RFC3: variants seen among roughly 807,000 people sequenced by gnomAD.
The protein encoded by RFC3 is A1 38 kDa subunit.
RFC3 carries 41 observed loss-of-function variants against 45.1 expected under a neutral mutation model. The observed-to-expected ratio is 0.91, with a 90% CI of 0.71 to 1.18. The LOEUF (loss-of-function observed/expected upper bound fraction) is 1.18. Among genes scored for constraint, RFC3 ranks in the 50% most tolerant of loss-of-function variants. The pLI, the probability that RFC3 is intolerant of heterozygous loss-of-function variation, is 0.00. For synonymous variants in RFC3, 149 were observed against 144.0 expected (o/e 1.03, Z -0.25); for missense variants, 423 against 428.1 (o/e 0.99, Z 0.10).
intron 8 of RFC3, among the ~76,000 whole-genome samples, chr13:33,884,531 A>G (rs1289293097): frequency 1.3e-5 from 2 of 152,190 alleles, no homozygotes; most frequent in African/African-American, 4.8e-5. Context: ...CGTCAGAAAT[A>G]TGCTGGAGAT....
intron 8 of RFC3, among the ~76,000 whole-genome samples, chr13:33,954,029 G>A (rs1220866170): frequency 6.6e-6 from 1 of 152,110 alleles, no homozygotes; most frequent in Admixed American, 6.5e-5. Context: ...GATTTTAAAG[G>A]AATGTCAAGT....
intron 8 of RFC3, among the ~76,000 whole-genome samples, chr13:33,946,259 C>T (rs984092282): frequency 1.3e-5 from 2 of 152,200 alleles, no homozygotes; most frequent in African/African-American, 4.8e-5. Flanking sequence ...AATAAATGTT[C>T]CTGTGATCCA....
chr13:33,917,006 G>T (rs2082737815), intron 8 of RFC3, among the ~76,000 whole-genome samples: 1 of 152,088 alleles, frequency 6.6e-6, no homozygotes, highest in Non-Finnish European at 1.5e-5. Context: ...GGAGACTTCA[G>T]AAATATTACT....
At chr13:33,857,656 C>G (rs2082316379) in intron 8 of RFC3, among the ~76,000 whole-genome samples, 1 of 152,236 alleles carries the variant, frequency 6.6e-6, no homozygotes, top group South Asian at 2.1e-4. Context: ...AATCTTGGCT[C>G]TCTTTGCTCA....
chr13:33,824,038 T>C, intron 3 of RFC3, 54 bp downstream of exon 3: 2 of 879,122 alleles, frequency 2.3e-6, no homozygotes, highest in South Asian at 1.7e-5. Context: ...GGTTTTGGGC[T>C]TTCTTTTTTT....
chr13:33,903,347 A>G (rs2082652936), intron 8 of RFC3, among the ~76,000 whole-genome samples: 1 of 152,128 alleles, frequency 6.6e-6, no homozygotes, highest in Admixed American at 6.5e-5. Context: ...CATTATAAGT[A>G]TTTCCACCAT....
At chr13:33,967,547 G>A (rs959014668), downstream of RFC3, among the ~76,000 whole-genome samples, 2 of 147,556 alleles carry the variant, frequency 1.4e-5, no homozygotes, top group Non-Finnish European at 3.0e-5. Context: ...GAGTGCAGTG[G>A]TGCGGTCTTG....
intron 8 of RFC3, among the ~76,000 whole-genome samples, chr13:33,928,631 A>C (rs933352380): frequency 6.6e-6 from 1 of 152,128 alleles, no homozygotes; most frequent in Non-Finnish European, 1.5e-5. Context: ...AAGAGGCTGC[A>C]TAGGTGGATG....
chr13:33,899,204 C>CAAAAAAAAAAAAAGA (rs2082621960), intron 8 of RFC3, among the ~76,000 whole-genome samples: 1 of 51,968 alleles, frequency 1.9e-5, no homozygotes, highest in Non-Finnish European at 3.6e-5. Flanking sequence ...CACAATAAGA[C>CAAAAAAAAAAAAAGA]AAAAAAAAAA....
chr13:33,871,504 A>T (rs2082409519), intron 8 of RFC3, among the ~76,000 whole-genome samples: 2 of 152,168 alleles, frequency 1.3e-5, no homozygotes, highest in African/African-American at 4.8e-5. Context: ...CCTTGTGATG[A>T]CATTGGCCAC....
chr13:33,884,004 A>T (rs1326907516), intron 8 of RFC3, among the ~76,000 whole-genome samples: 1 of 152,208 alleles, frequency 6.6e-6, no homozygotes, highest in Non-Finnish European at 1.5e-5. Flanking sequence ...GTAGCCTTTG[A>T]ATAATCTCTG....
intron 8 of RFC3, among the ~76,000 whole-genome samples, chr13:33,877,431 T>A (rs2137585434): frequency 6.6e-6 from 1 of 152,304 alleles, no homozygotes; most frequent in Non-Finnish European, 1.5e-5. Flanking sequence ...GACCAAGGTA[T>A]ATTAAGGAGA....
downstream of RFC3, among the ~76,000 whole-genome samples, chr13:33,840,890 C>T (rs535068277): frequency 2.6e-5 from 4 of 152,246 alleles, no homozygotes; most frequent in Non-Finnish European, 5.9e-5. Flanking sequence ...TAAAATTTAT[C>T]AAAACTTTCA....
intron 2 of RFC3, among the ~76,000 whole-genome samples, chr13:33,822,882 A>T (rs1206907174): frequency 6.6e-6 from 1 of 152,190 alleles, no homozygotes; most frequent in Non-Finnish European, 1.5e-5. Flanking sequence ...CTATGACAGA[A>T]ATTATACATA....
At chr13:33,886,080 T>C (rs192919884) in intron 8 of RFC3, among the ~76,000 whole-genome samples, 118 of 152,218 alleles carry the variant, frequency 7.8e-4, no homozygotes, top group African/African-American at 2.6e-3. Context: ...GACTCTCTTC[T>C]TGTAATTGCA....
At chr13:33,916,936 ATGTCAGAGT>A (rs1388020090) in intron 8 of RFC3, among the ~76,000 whole-genome samples, 2 of 152,174 alleles carry the variant, frequency 1.3e-5, no homozygotes, top group Non-Finnish European at 2.9e-5. Flanking sequence ...CACCCAACAT[ATGTCAGAGT>A]TGTTATTTTG....
At chr13:33,870,887 T>C (rs956905007) in intron 8 of RFC3, among the ~76,000 whole-genome samples, 1 of 152,206 alleles carries the variant, frequency 6.6e-6, no homozygotes, top group Non-Finnish European at 1.5e-5. Flanking sequence ...TTGCTTGAGG[T>C]ATAATAGGCG....
At chr13:33,830,649 G>GTAATACA in intron 5 of RFC3, 70 bp from the exon 6 acceptor site, 8 of 1,277,946 alleles carry the variant, frequency 6.3e-6, no homozygotes, top group Non-Finnish European at 8.9e-6. Flanking sequence ...GGGTCTAGGA[G>GTAATACA]GATATCAACA....
intron 8 of RFC3, among the ~76,000 whole-genome samples, chr13:33,881,609 C>A (rs2082484738): frequency 6.6e-6 from 1 of 152,058 alleles, no homozygotes; most frequent in Admixed American, 6.6e-5. Flanking sequence ...CTCTCGGGGG[C>A]TATTTCGAGG....
Sources: gnomAD v4.1 joint callset for allele counts (sites outside exome capture counted in the v4.1 genomes callset) on GRCh38, gnomAD v4.1.1 for gene constraint, MANE v1.5 for transcripts, NCBI Gene and HGNC (gene_info 2026-07-23, HGNC 2026-07-21) for gene names.